The following NOL4L variants were observed in gnomAD, a reference collection of about 807,000 sequenced individuals.
NOL4L encodes nucleolar protein 4-like.
NOL4L carries 7 observed loss-of-function variants against 64.5 expected under a neutral mutation model. That is an observed-to-expected ratio of 0.11 (90% CI 0.06 to 0.20). The LOEUF is 0.20. Among genes scored for constraint, NOL4L ranks in the 10% least tolerant of loss-of-function variants. NOL4L has a pLI of 1.00. For missense variants in NOL4L, 680 were observed against 967.1 expected (o/e 0.70, Z 3.94); for synonymous variants, 413 against 401.0 (o/e 1.03, Z -0.36).
At chr20:32,508,539 G>A (rs1385576350) in intron 4 of NOL4L, among the ~76,000 whole-genome samples, 4 of 152,226 alleles carry the variant, frequency 2.6e-5, no homozygotes, top group Non-Finnish European at 4.4e-5. Context: ...TGAGGCGGGA[G>A]GCTGCTTCAC....
intron 5 of NOL4L, among the ~76,000 whole-genome samples, chr20:32,457,894 C>G (rs923902459): frequency 6.6e-6 from 1 of 152,226 alleles, no homozygotes; most frequent in African/African-American, 2.4e-5. Context: ...GGAGCCAACA[C>G]ATTCCCCAGC....
At chr20:32,515,266 G>A (rs1042700008) in intron 3 of NOL4L, among the ~76,000 whole-genome samples, 1 of 152,100 alleles carries the variant, frequency 6.6e-6, no homozygotes, top group African/African-American at 2.4e-5. Flanking sequence ...TGGGGAAGCT[G>A]GAACATCCCG....
intron 5 of NOL4L, among the ~76,000 whole-genome samples, chr20:32,458,731 G>A (rs1001174347): frequency 2.6e-5 from 4 of 152,234 alleles, no homozygotes; most frequent in Non-Finnish European, 5.9e-5. Context: ...AGTGGGCATC[G>A]TGCCTGGCAC....
Position 32,488,831 on chromosome 20 carries a change from CTT to C in NOL4L, c.700-14091_700-14090del, listed in dbSNP as rs1568648866. On this transcript the variant is annotated intron_variant, in intron 4 of 10. Transcript: ENST00000621426. The stretch of plus-strand genomic sequence containing the variant: ...TTTCTTTCTTTCTTTCTTTCTTTTT[CTT>C]TCTTTCTTTCTTTCTTTCTTTCTTT... Among the ~76,000 whole-genome samples, 251 of 34,818 alleles carry C rather than the reference CTT, an allele frequency of 7.2e-3. 20 individuals are homozygous for C. The highest frequency in any genetic ancestry group is 0.027 in the Middle Eastern group (2 of 74). The allele number at this position is 34,818 out of a possible 152,430, so 22.8% of individuals were successfully genotyped here.
Position 32,447,472 on chromosome 20 carries a change from G to T in NOL4L, c.*124C>A. On this transcript the variant is annotated 3_prime_UTR_variant, in exon 11 of 11. Transcript: ENST00000621426. ...GTCTCAGGTGCTTGGAGTGTGGCTAGAAACAGCTCTTTTGGATCCCACCTC... is the reference window on the plus strand; with the variant it reads ...GTCTCAGGTGCTTGGAGTGTGGCTATAAACAGCTCTTTTGGATCCCACCTC... 1.7e-6 allele frequency: 2 copies of T among 1,193,706 alleles called. No individual in the cohort carries two copies. Among genetic ancestry groups the T allele is most frequent in the Non-Finnish European group, 2.3e-6 (2 of 874,404 alleles). 73.9% of individuals were successfully genotyped at this position (1,193,706 alleles called of 1,614,324 possible). A position where few individuals can be genotyped will look rare whatever the true frequency, so the allele number is the denominator to read the frequency against.
intron 2 of NOL4L, among the ~76,000 whole-genome samples, chr20:32,523,464 G>T (rs938619781): frequency 2.6e-5 from 4 of 152,196 alleles, no homozygotes; most frequent in Admixed American, 2.6e-4. Context: ...GACCAGAAAT[G>T]GGACCTCCAT....
intron 2 of NOL4L, among the ~76,000 whole-genome samples, chr20:32,525,821 G>A (rs1416430329): frequency 6.6e-6 from 1 of 152,160 alleles, no homozygotes; most frequent in African/African-American, 2.4e-5. Flanking sequence ...GCAGTGGCAT[G>A]ATCCCAGCTC....
intron 4 of NOL4L, chr20:32,475,448 A>G (rs2015326935): frequency 1.9e-6 from 1 of 514,276 alleles, no homozygotes; most frequent in Middle Eastern, 9.9e-4. Flanking sequence ...GGCGTTCCAA[A>G]CAGCCGGATG....
chr20:32,512,895 T>C (rs1466373453), intron 3 of NOL4L, among the ~76,000 whole-genome samples: 2 of 152,240 alleles, frequency 1.3e-5, no homozygotes, highest in Non-Finnish European at 2.9e-5. Context: ...GCATAAATAT[T>C]GCTCCGTATT....
At chr20:32,498,746 GGAGT>G (rs1181787406) in intron 4 of NOL4L, among the ~76,000 whole-genome samples, 2 of 140,256 alleles carry the variant, frequency 1.4e-5, no homozygotes. Context: ...CTGGGCAACG[GGAGT>G]GAGACCCTGT....
intron 1 of NOL4L, among the ~76,000 whole-genome samples, chr20:32,544,948 C>A (rs2018711894): frequency 6.6e-6 from 1 of 152,152 alleles, no homozygotes; most frequent in Admixed American, 6.5e-5. Flanking sequence ...AAGTCACCTG[C>A]CTAAAAGCAC....
chr20:32,449,785 G>A (rs1211506938), intron 10 of NOL4L: 2 of 152,372 alleles, frequency 1.3e-5, no homozygotes, highest in African/African-American at 4.8e-5. Flanking sequence ...CCAGAGGGAT[G>A]CGGGGGAAGA....
intron 1 of NOL4L, among the ~76,000 whole-genome samples, chr20:32,582,444 T>G (rs978695174): frequency 1.3e-5 from 2 of 152,152 alleles, no homozygotes; most frequent in Non-Finnish European, 2.9e-5. Flanking sequence ...GCACCCAGTT[T>G]CTGCATGTGG....
At chr20:32,488,805 T>TTCTCTCTC (rs56182517) in intron 4 of NOL4L, among the ~76,000 whole-genome samples, 2 of 30,186 alleles carry the variant, frequency 6.6e-5, no homozygotes, top group Non-Finnish European at 1.2e-4. Context: ...CTTTCTTTCT[T>TTCTCTCTC]TTTCTTTCTT....
rs368535840 is a variant in NOL4L at position 32,479,055 on chromosome 20, C to T, written c.700-4313G>A. 4.9e-4 allele frequency among the ~76,000 whole-genome samples: 74 copies of T among 152,354 alleles called. 1 individual carries two copies. The highest frequency in any genetic ancestry group is 3.4e-3 in the Middle Eastern group (1 of 294). On this transcript the variant is annotated intron_variant, in intron 4 of 10. Coordinates refer to ENST00000621426, the MANE Select transcript of NOL4L (RefSeq NM_001256798.2). Reference sequence around the variant, plus strand: ...CAAGACCCCTCTGCAACCTGTCTGGCGCAGCACAGCCCAGTTCATGGGTGT... The same window carrying T: ...CAAGACCCCTCTGCAACCTGTCTGGTGCAGCACAGCCCAGTTCATGGGTGT...
chr20:32,571,676 C>T (rs1427772865), intron 1 of NOL4L, among the ~76,000 whole-genome samples: 2 of 152,210 alleles, frequency 1.3e-5, no homozygotes, highest in South Asian at 2.1e-4. Context: ...TCCCCAGCCA[C>T]CAAGGCACTC....
chr20:32,537,004 G>A, intron 1 of NOL4L: 1 of 951,782 alleles, frequency 1.1e-6, no homozygotes, highest in Non-Finnish European at 1.2e-6. Flanking sequence ...GCGCCCGCCG[G>A]CCTCGCGTCC....
intron 4 of NOL4L, among the ~76,000 whole-genome samples, chr20:32,481,968 G>GT (rs903569856): frequency 2.7e-5 from 4 of 149,002 alleles, no homozygotes; most frequent in East Asian, 4.1e-4. Context: ...GCGGGGCGGG[G>GT]GGGGGGGAGC....
chr20:32,500,538 C>CTTT (rs35172494), intron 4 of NOL4L, among the ~76,000 whole-genome samples: 10 of 129,586 alleles, frequency 7.7e-5, no homozygotes, highest in East Asian at 2.2e-4. Flanking sequence ...GTATTTCTTT[C>CTTT]TTTTTTTTTT....
Sources: allele counts gnomAD v4.1 joint callset (sites outside exome capture counted in the v4.1 genomes callset), GRCh38; gene constraint gnomAD v4.1.1; transcripts MANE v1.5; gene names NCBI Gene and HGNC (gene_info 2026-07-23, HGNC 2026-07-21).